LIG1: variants seen among roughly 807,000 people sequenced by gnomAD.
The protein encoded by LIG1 is DNA ligase 1, also known as ligase I, DNA, ATP-dependent.
A neutral mutation model predicts 115.7 loss-of-function variants in LIG1; 70 were observed. The observed-to-expected ratio is 0.60, with a 90% CI of 0.50 to 0.74. The LOEUF is 0.74. Ranked by LOEUF, LIG1 falls within the 30% of genes least tolerant of loss-of-function variation. LIG1 has a pLI of 0.00. For synonymous variants in LIG1, 487 were observed against 495.3 expected (o/e 0.98, Z 0.22); for missense variants, 1,115 against 1,225.6 (o/e 0.91, Z 1.35).
At chr19:48,136,348 AG>A in intron 14 of LIG1, among the ~76,000 whole-genome samples, 1 of 152,274 alleles carries the variant, frequency 6.6e-6, no homozygotes, top group South Asian at 2.1e-4. Flanking sequence ...TAGACTGGGG[AG>A]GGGCACAAGT....
intron 19 of LIG1, among the ~76,000 whole-genome samples, chr19:48,130,387 G>T (rs3730995): frequency 0.011 from 1,726 of 152,280 alleles, 28 homozygotes; most frequent in African/African-American, 0.039. Flanking sequence ...TTTGATAGGG[G>T]ACTCCTCGAA....
intron 6 of LIG1, 148 bp from the exon 7 acceptor site, chr19:48,151,487 T>A: frequency 3.2e-6 from 2 of 619,360 alleles, no homozygotes; most frequent in South Asian, 1.6e-5. Flanking sequence ...TGGAGTGCAA[T>A]GGTGTGATCT....
At chr19:48,116,923 G>C (rs370554301) in intron 26 of LIG1, among the ~76,000 whole-genome samples, 4 of 152,168 alleles carry the variant, frequency 2.6e-5, no homozygotes, top group African/African-American at 7.2e-5. Flanking sequence ...GGCGGATTGA[G>C]GCCAGGTGTT....
chr19:48,150,977 A>G (rs892737525), intron 7 of LIG1, among the ~76,000 whole-genome samples: 5 of 152,090 alleles, frequency 3.3e-5, no homozygotes, highest in African/African-American at 1.2e-4. Context: ...CTAGGATTAC[A>G]GGTGTGAGGC....
In LIG1 at chr19:48,130,404, C is replaced by T. The variant is rs73570094; in HGVS notation, c.1821+672G>A. Among the ~76,000 whole-genome samples, 743 of 152,332 alleles carry T rather than the reference C, an allele frequency of 4.9e-3. 5 individuals carry two copies. The highest frequency in any genetic ancestry group is 0.017 in the African/African-American group (707 of 41,558). ...TGATAGGGGACTCCTCGAACAGGCACGAGACCCCTACTGGGTGCAGAGAAG... is the reference window on the plus strand; with the variant it reads ...TGATAGGGGACTCCTCGAACAGGCATGAGACCCCTACTGGGTGCAGAGAAG... On this transcript the variant is annotated intron_variant, in intron 19 of 27. Transcript: ENST00000263274.
Position 48,143,975 on chromosome 19 carries a change from A to G in LIG1, c.777-12T>C. ...ATGGATCCAGGGGTCTACGGAGGCA[A>G]AACGGAGATTGAATTGCATAGAGCC... On this transcript the variant is annotated splice_polypyrimidine_tract_variant and intron_variant, in intron 9 of 27. Coordinates refer to ENST00000263274, the MANE Select transcript of LIG1 (RefSeq NM_000234.3). 1 of 1,603,270 alleles carries G rather than the reference A, an allele frequency of 6.2e-7. No individual in the cohort carries two copies. Among genetic ancestry groups the G allele is most frequent in the Non-Finnish European group, 8.5e-7 (1 of 1,170,242 alleles).
At chr19:48,153,998 CCT>C in intron 5 of LIG1, 31 bp from the exon 6 acceptor site, 1 of 1,588,474 alleles carries the variant, frequency 6.3e-7, no homozygotes, top group Non-Finnish European at 8.6e-7. Context: ...GTGTATCTGA[CCT>C]CGCTGGCTCG....
chr19:48,120,811 G>A (rs1599737508), intron 24 of LIG1: 1 of 573,680 alleles, frequency 1.7e-6, no homozygotes, highest in African/African-American at 2.0e-5. Flanking sequence ...AAAAAATGTG[G>A]GGACAAAAAA....
intron 21 of LIG1, among the ~76,000 whole-genome samples, chr19:48,125,584 G>A (rs549859976): frequency 2.0e-5 from 3 of 152,270 alleles, no homozygotes; most frequent in South Asian, 2.1e-4. Context: ...GGCAAGTCAC[G>A]GAACAAATGC....
Position 48,140,082 on chromosome 19 carries a change from C to T in LIG1, c.976G>A (p.Asp326Asn). 6.2e-7 allele frequency: 1 copy of T among 1,613,950 alleles called. No homozygotes were observed. The highest frequency in any genetic ancestry group is 2.2e-5 in the East Asian group (1 of 44,886). The change falls in exon 12 of 28, where the codon GAC becomes AAC. Residue 326 changes from aspartate (D) to asparagine (N), a missense_variant. Coordinates refer to ENST00000263274, the MANE Select transcript of LIG1 (RefSeq NM_000234.3). ...LRSVVALSPP[D>N]LLPVLYLSLN... The stretch of plus-strand genomic sequence containing the variant: ...CTGAGGTAGAGGACAGGGAGGAGGT[C>T]TGGAGGCGACAGGGCCACCACGGAG...
intron 3 of LIG1, 105 bp downstream of exon 3, chr19:48,162,157 T>C (rs2036216928): frequency 8.8e-7 from 1 of 1,132,610 alleles, no homozygotes; most frequent in African/African-American, 1.5e-5. Context: ...GCTGAAAAAG[T>C]TTTTTGGGCC....
At chr19:48,135,186 G>C (rs1251280828) in intron 16 of LIG1, among the ~76,000 whole-genome samples, 1 of 152,210 alleles carries the variant, frequency 6.6e-6, no homozygotes, top group Non-Finnish European at 1.5e-5. Context: ...CTGTTGCCCA[G>C]GCTGGAACGC....
At chr19:48,128,818 A>G (rs1157874850) in intron 19 of LIG1, among the ~76,000 whole-genome samples, 1 of 152,238 alleles carries the variant, frequency 6.6e-6, no homozygotes, top group East Asian at 1.9e-4. Flanking sequence ...GCTGCAGTGC[A>G]GTGGTGCGAT....
rs2034334514 is a variant in LIG1, at chr19:48,135,686, G to A, written c.1517C>T (p.Thr506Met). Reference protein sequence around the residue: ...LEEQGMILKQTFCEVPDLDRI... With the variant: ...LEEQGMILKQMFCEVPDLDRI... The stretch of plus-strand genomic sequence containing the variant: ...CCCACTGCCCAGCTCTCACCAGAAC[G>A]TCTGCTTCAGGATCATGCCTTGCTC... Residue 506 changes from threonine to methionine, a missense_variant, in exon 16 of 28, where the codon ACG becomes ATG. Physicochemically the swap from Thr to Met is moderately conservative, Grantham distance 81 (BLOSUM62 -1). Coordinates refer to ENST00000263274, the MANE Select transcript of LIG1 (RefSeq NM_000234.3). The A allele has an allele frequency of 3.1e-6, 5 of 1,613,308 alleles. No individual in the cohort carries two copies. Among genetic ancestry groups the A allele is most frequent in the African/African-American group, 1.3e-5 (1 of 74,944 alleles).
At chr19:48,134,153 C>G (rs568141696) in intron 16 of LIG1, 87 bp from the exon 17 acceptor site, 89 of 1,246,546 alleles carry the variant, frequency 7.1e-5, no homozygotes, top group Non-Finnish European at 9.6e-5. Context: ...TCCCAGAAGC[C>G]TGGGCTCCTG....
intron 1 of LIG1, among the ~76,000 whole-genome samples, chr19:48,167,162 A>G (rs948807287): frequency 5.3e-5 from 8 of 150,886 alleles, no homozygotes; most frequent in Non-Finnish European, 1.2e-4. Context: ...TAAAGATATA[A>G]AAAATTATAA....
chr19:48,149,815 C>G lies in LIG1; in HGVS notation c.724G>C (p.Glu242Gln). The change falls in exon 9 of 28, where the codon GAA (glutamate) becomes CAA (glutamine). Residue 242 changes from glutamate (E) to glutamine (Q), a missense_variant. Physicochemically the swap from Glu to Gln is conservative, Grantham distance 29 (BLOSUM62 2). Coordinates refer to ENST00000263274, the MANE Select transcript of LIG1 (RefSeq NM_000234.3). ...FTPRKPAVKK[E>Q]VKEEEPGAPG... ...GCCCCTGGCTCCTCTTCCTTCACTTCTTTTTTGACTGCTGGCTTCCGGGGG... is the reference window on the plus strand; with the variant it reads ...GCCCCTGGCTCCTCTTCCTTCACTTGTTTTTTGACTGCTGGCTTCCGGGGG... The G allele has an allele frequency of 6.2e-7, 1 of 1,614,158 alleles. No homozygotes were observed. The highest frequency in any genetic ancestry group is 8.5e-7 in the Non-Finnish European group (1 of 1,180,014).
rs1303232399 is a variant in LIG1, at chr19:48,137,901, T to C, written c.1088-213A>G. ...TGTAGGAAGTCAGCAAACATGCACG[T>C]GGAGCCAGGAAAGCGGTGGATGAAC... On this transcript the variant is annotated intron_variant, in intron 12 of 27. Coordinates refer to ENST00000263274, the MANE Select transcript of LIG1 (RefSeq NM_000234.3). This position sits in a 1 kb window ranked among gnomAD's most constrained non-coding sequence, Gnocchi z 4.3. The C allele has an allele frequency of 4.8e-6, 3 of 628,176 alleles. No individual in the cohort carries two copies. In the East Asian group the frequency reaches 8.4e-5, roughly 17 times the overall value. The allele number at this position is 628,176 out of a possible 1,614,324, so 38.9% of individuals were successfully genotyped here.
chr19:48,133,921 C>T (rs2034206602), intron 17 of LIG1, 60 bp downstream of exon 17: 5 of 1,432,160 alleles, frequency 3.5e-6, no homozygotes, highest in East Asian at 2.5e-5. Context: ...GCCACCCTCA[C>T]GCCGACTCAG....
Sources: gnomAD v4.1 joint callset for allele counts (sites outside exome capture counted in the v4.1 genomes callset) on GRCh38, gnomAD v4.1.1 for gene constraint, Gnocchi (gnomAD v3.1) non-coding constraint, MANE v1.5 for transcripts, NCBI Gene and HGNC (gene_info 2026-07-23, HGNC 2026-07-21) for gene names.